Variants in NOA1 observed in about 807,000 individuals in gnomAD.
NOA1 encodes nitric oxide-associated protein 1.
Under a neutral mutation model 58.4 loss-of-function variants are expected in NOA1, and 35 were observed. The ratio of observed to expected loss-of-function variants is 0.60; its 90% CI spans 0.46 to 0.79. The LOEUF (loss-of-function observed/expected upper bound fraction) is 0.79, where lower values mean the gene tolerates loss of function less well. NOA1 is among the 30% of genes least tolerant of loss of function. NOA1 has a pLI of 0.00. For missense variants in NOA1, 895 were observed against 894.6 expected, an observed-to-expected ratio of 1.00 and a Z score of -0.01; for synonymous variants, 397 against 373.4, an observed-to-expected ratio of 1.06 and a Z score of -0.73.
At chr4:56,966,411 G>GA (rs147737592) in intron 5 of NOA1, among the ~76,000 whole-genome samples, 3,285 of 152,164 alleles carry the variant, frequency 0.022, 117 homozygotes, top group African/African-American at 0.075. Flanking sequence ...GTAGTCTAGA[G>GA]AAAAAAATAG....
intron 5 of NOA1, among the ~76,000 whole-genome samples, chr4:56,965,250 A>C (rs1721679722): frequency 6.6e-6 from 1 of 151,970 alleles, no homozygotes; most frequent in African/African-American, 2.4e-5. Context: ...TGATCTGCCC[A>C]CCTCGGCCTC....
rs202110056 is a variant in NOA1, at chr4:56,963,446, G to A, written c.*4C>T. The A allele has an allele frequency of 1.4e-5, 22 of 1,609,512 alleles. No homozygotes were observed. Among genetic ancestry groups the A allele is most frequent in the Admixed American group, 1.2e-4 (7 of 59,966 alleles). On this transcript the variant is annotated 3_prime_UTR_variant, in exon 7 of 7. Transcript: ENST00000264230. ...GTTAATATCTGGAGTGAACAAGGTC[G>A]GTCTCATACATTTATCTTTCCTTTC...
At chr4:56,970,874 T>C (rs1721798938) in intron 3 of NOA1, among the ~76,000 whole-genome samples, 1 of 152,200 alleles carries the variant, frequency 6.6e-6, no homozygotes, top group African/African-American at 2.4e-5. Flanking sequence ...AAACTACCAG[T>C]GCTGACAGAC....
At chr4:56,966,571 T>A (rs745435772) in intron 5 of NOA1, 49 bp downstream of exon 5, 1 of 1,096,200 alleles carries the variant, frequency 9.1e-7, no homozygotes, top group South Asian at 1.3e-5. Context: ...TATGGGACCA[T>A]CCCAGTGTAT....
intron 1 of NOA1, among the ~76,000 whole-genome samples, chr4:56,975,721 T>G (rs919823431): frequency 6.6e-6 from 1 of 151,592 alleles, no homozygotes; most frequent in Non-Finnish European, 1.5e-5. Context: ...ACTAAAAATA[T>G]AAAAATTAGC....
chr4:56,972,296 C>A (rs1459973852), intron 3 of NOA1, among the ~76,000 whole-genome samples: 1 of 152,118 alleles, frequency 6.6e-6, no homozygotes, highest in Non-Finnish European at 1.5e-5. Flanking sequence ...CAATGAATAG[C>A]CTGTTTCCTA....
Position 56,963,538 on chromosome 4 carries a change from C to T in NOA1, c.2009G>A (p.Arg670His), listed in dbSNP as rs201910058. 3.3e-5 allele frequency: 54 copies of T among 1,613,860 alleles called. No individual in the cohort carries two copies. Among genetic ancestry groups the T allele is most frequent in the East Asian group, 4.5e-5 (2 of 44,874 alleles). Residue 670 changes from arginine to histidine, a missense_variant, in exon 7 of 7, where the codon CGC becomes CAC. By Grantham distance (29) the Arg-to-His change is conservative. Transcript: ENST00000264230. ...LPYIVNIKGQ[R>H]IKKSVAYKTK... ...TTTATAGGCCACACTTTTCTTGATGCGCTGTCCTTTGATGTTAACAATATA... is the reference window on the plus strand; with the variant it reads ...TTTATAGGCCACACTTTTCTTGATGTGCTGTCCTTTGATGTTAACAATATA...
chr4:56,971,140 C>G (rs1436294022), intron 3 of NOA1, among the ~76,000 whole-genome samples: 1 of 151,942 alleles, frequency 6.6e-6, no homozygotes. Flanking sequence ...TGGCGAAACC[C>G]TGTCTCTATT....
At chr4:56,969,555 G>C (rs1186413446) in intron 3 of NOA1, among the ~76,000 whole-genome samples, 1 of 152,106 alleles carries the variant, frequency 6.6e-6, no homozygotes, top group Non-Finnish European at 1.5e-5. Context: ...CTGGGCCATA[G>C]AGCAAGACTC....
At chr4:56,976,220 C>T (rs1450143047) in intron 1 of NOA1, among the ~76,000 whole-genome samples, 2 of 152,188 alleles carry the variant, frequency 1.3e-5, no homozygotes, top group Non-Finnish European at 2.9e-5. Context: ...GAGACGTGCT[C>T]CATAAACACT....
chr4:56,975,781 G>C (rs1040949944), intron 1 of NOA1, among the ~76,000 whole-genome samples: 4 of 152,218 alleles, frequency 2.6e-5, no homozygotes, highest in Middle Eastern at 3.4e-3. Context: ...GAGGCTGAGG[G>C]AGGAGAATCA....
In NOA1 at chr4:56,964,428, G is replaced by A. The variant is rs770579795; in HGVS notation, c.1863C>T (p.Ala621=). 30 of 1,613,834 alleles carry A rather than the reference G, an allele frequency of 1.9e-5. No individual in the cohort carries two copies. The highest frequency in any genetic ancestry group is 2.4e-5 in the Non-Finnish European group (28 of 1,180,008). The change falls in exon 6 of 7, where the codon GCC becomes GCT. Residue 621 remains alanine (A), a synonymous_variant. Transcript: ENST00000264230. The part of the protein sequence containing the change: ...KEGLGASEAV[A]DIKFSSAGWV... ...TACCTGCAGAGGAAAACTTGATGTC[G>A]GCCACTGCTTCAGATGCCCCCAGTC...
rs1279849693 is a variant in NOA1, at chr4:56,976,891, G to T, written c.695C>A (p.Pro232His). 1 of 1,612,896 alleles carries T rather than the reference G, an allele frequency of 6.2e-7. No individual in the cohort carries two copies. The highest frequency in any genetic ancestry group is 2.2e-5 in the East Asian group (1 of 44,856). ...DLLDLPDALL[P>H]DLPALVGPKQ... ...GGGGCCCACCAGCGCGGGCAAGTCG[G>T]GCAGCAGGGCGTCGGGCAGGTCCAG... Residue 232 changes from proline to histidine, a missense_variant, in exon 1 of 7, where the codon CCC (proline) becomes CAC (histidine). Around this residue, in one of 3 missense-constraint regions of NOA1, gnomAD observed 680 missense variants for 656.5 expected, o/e 1.04. Transcript: ENST00000264230.
intron 4 of NOA1, among the ~76,000 whole-genome samples, chr4:56,967,288 G>C (rs115174965): frequency 0.014 from 2,145 of 151,676 alleles, 53 homozygotes; most frequent in African/African-American, 0.049. Flanking sequence ...GCTGGGGTGG[G>C]ATGATCATTG....
In NOA1 at chr4:56,977,049, G is replaced by A; in HGVS notation, c.537C>T (p.Cys179=). 1.3e-6 allele frequency: 2 copies of A among 1,583,740 alleles called. No individual in the cohort carries two copies. Among genetic ancestry groups the A allele is most frequent in the Non-Finnish European group, 1.7e-6 (2 of 1,170,296 alleles). ...GGTGCGACAGCAGCCAGCAGCGCTG[G>A]CACACGGTCCGTGCCAGCCCGCCGT... is the stretch of plus-strand genomic sequence containing the variant. The part of the protein sequence containing the change: ...EADGGLARTV[C]QRCWLLSHHR... Residue 179 remains cysteine (C), a synonymous_variant, in exon 1 of 7, where the codon TGC becomes TGT. Coordinates refer to ENST00000264230, the MANE Select transcript of NOA1 (RefSeq NM_032313.4).
intron 3 of NOA1, among the ~76,000 whole-genome samples, chr4:56,971,158 C>T (rs572510966): frequency 5.3e-5 from 8 of 151,840 alleles, no homozygotes; most frequent in Non-Finnish European, 1.0e-4. Context: ...ATTAAAAATA[C>T]AAAAAGTAGC....
intron 1 of NOA1, 106 bp downstream of exon 1, chr4:56,976,336 C>T: frequency 1.0e-6 from 1 of 952,852 alleles, no homozygotes; most frequent in Non-Finnish European, 1.6e-6. Context: ...GGGAAGGGTA[C>T]AGGCAGCCCG....
chr4:56,971,207 A>G (rs1721805455), intron 3 of NOA1, among the ~76,000 whole-genome samples: 1 of 150,660 alleles, frequency 6.6e-6, no homozygotes, highest in Non-Finnish European at 1.5e-5. Context: ...CAGCTACTCG[A>G]GAGGCTGAGG....
Position 56,977,508 on chromosome 4 carries a change from G to A in NOA1, c.78C>T (p.Gly26=). The A allele has an allele frequency of 6.2e-7, 1 of 1,613,458 alleles. No homozygotes were observed. Among genetic ancestry groups the A allele is most frequent in the East Asian group, 2.2e-5 (1 of 44,878 alleles). The change falls in exon 1 of 7, where the codon GGC becomes GGT. Residue 26 remains glycine, a synonymous_variant. Coordinates refer to ENST00000264230, the MANE Select transcript of NOA1 (RefSeq NM_032313.4). ...RGSAPTAARH[G]LREPLLERRC... Reference sequence around the variant, plus strand: ...TCCTCTCCAGGAGCGGCTCCCGGAGGCCATGGCGCGCTGCCGTGGGAGCGG... The same window carrying A: ...TCCTCTCCAGGAGCGGCTCCCGGAGACCATGGCGCGCTGCCGTGGGAGCGG...
Sources: gnomAD v4.1 joint callset for allele counts (sites outside exome capture counted in the v4.1 genomes callset) on GRCh38, gnomAD v4.1.1 for gene constraint, gnomAD v4.1.1 regional missense constraint, MANE v1.5 for transcripts, NCBI Gene and HGNC (gene_info 2026-07-23, HGNC 2026-07-21) for gene names.